Variants in WBP1L observed in about 807,000 individuals in gnomAD.
WBP1L encodes the protein WW domain binding protein 1-like.
A neutral mutation model predicts 33.7 loss-of-function variants in WBP1L; 17 were observed. The ratio of observed to expected loss-of-function variants is 0.50; its 90% CI spans 0.34 to 0.76. The LOEUF (loss-of-function observed/expected upper bound fraction) is 0.76, where lower values mean the gene tolerates loss of function less well. Ranked by LOEUF, WBP1L falls within the 30% of genes least tolerant of loss-of-function variation. The probability of loss-of-function intolerance (pLI) is 0.01; values close to 1 mark genes in which losing one functional copy is unlikely to be tolerated. For synonymous variants in WBP1L, 173 were observed against 190.8 expected (o/e 0.91, Z 0.77); for missense variants, 389 against 469.4 (o/e 0.83, Z 1.58).
intron 1 of WBP1L, among the ~76,000 whole-genome samples, chr10:102,753,214 A>G (rs145421686): frequency 5.3e-5 from 8 of 152,184 alleles, no homozygotes; most frequent in Non-Finnish European, 1.2e-4. Context: ...TCAAGTAGCT[A>G]GGACTACAGG....
chr10:102,810,990 A>ATC (rs138777840), intron 3 of WBP1L, among the ~76,000 whole-genome samples: 5,849 of 144,304 alleles, frequency 0.041, 223 homozygotes, highest in South Asian at 0.11. Flanking sequence ...TCATTCATCC[A>ATC]TCTCTCTCTC....
chr10:102,751,280 G>A (rs1208458221), intron 1 of WBP1L, among the ~76,000 whole-genome samples: 2 of 151,114 alleles, frequency 1.3e-5, no homozygotes, highest in Non-Finnish European at 2.9e-5. Flanking sequence ...GAGATTACAG[G>A]TGTGTGCCAC....
intron 1 of WBP1L, among the ~76,000 whole-genome samples, chr10:102,788,724 A>G (rs976497680): frequency 2.0e-5 from 3 of 152,206 alleles, no homozygotes; most frequent in Non-Finnish European, 2.9e-5. Flanking sequence ...TCCTTTCTAG[A>G]AAGCCATTCC....
intron 2 of WBP1L, among the ~76,000 whole-genome samples, chr10:102,802,715 C>T (rs1843675116): frequency 6.6e-6 from 1 of 151,994 alleles, no homozygotes; most frequent in Non-Finnish European, 1.5e-5. Flanking sequence ...AGGCTGGTCT[C>T]CAAATTCTGA....
chr10:102,783,921 G>A (rs1843372249), intron 1 of WBP1L, among the ~76,000 whole-genome samples: 1 of 152,286 alleles, frequency 6.6e-6, no homozygotes, highest in Middle Eastern at 3.4e-3. Flanking sequence ...TTAATAAAGG[G>A]GAAATAGGTA....
At chr10:102,787,157 C>G (rs967215954) in intron 1 of WBP1L, among the ~76,000 whole-genome samples, 4 of 152,218 alleles carry the variant, frequency 2.6e-5, no homozygotes, top group Non-Finnish European at 5.9e-5. Flanking sequence ...TGGTTAACTT[C>G]TTAGCAGTGG....
intron 1 of WBP1L, among the ~76,000 whole-genome samples, chr10:102,766,864 T>C (rs1843118946): frequency 6.6e-6 from 1 of 152,010 alleles, no homozygotes; most frequent in South Asian, 2.1e-4. Flanking sequence ...AAATTTCATC[T>C]GAGTGTGTTT....
intron 1 of WBP1L, chr10:102,776,199 A>T: frequency 6.8e-7 from 1 of 1,464,614 alleles, no homozygotes; most frequent in Admixed American, 2.3e-5. Flanking sequence ...AGGCAGGGGG[A>T]GTAGCGAGGA....
chr10:102,751,493 A>G (rs1247867143), intron 1 of WBP1L, among the ~76,000 whole-genome samples: 1 of 151,700 alleles, frequency 6.6e-6, no homozygotes, highest in African/African-American at 2.4e-5. Flanking sequence ...TTTTTTGTAG[A>G]GATGGAGTTT....
chr10:102,769,356 C>CTT lies in WBP1L; in HGVS notation c.90+25215_90+25216dup, dbSNP rs376863934. ...GCATCCCTTCTTTGTTTTCTTTTTT[C>CTT]TTTCTTTTTTTTTTTTTTACTGGAA... On this transcript the variant is annotated intron_variant, in intron 1 of 3. Coordinates refer to ENST00000448841, the MANE Select transcript of WBP1L (RefSeq NM_001083913.2). Among the ~76,000 whole-genome samples the CTT allele has an allele frequency of 8.0e-3, 1,079 of 134,660 alleles. 13 individuals carry two copies. The highest frequency in any genetic ancestry group is 0.026 in the African/African-American group (1,011 of 38,330). 88.3% of individuals were successfully genotyped at this position (134,660 alleles called of 152,430 possible).
chr10:102,783,183 C>T (rs1487865723), intron 1 of WBP1L, among the ~76,000 whole-genome samples: 2 of 152,174 alleles, frequency 1.3e-5, no homozygotes, highest in Non-Finnish European at 2.9e-5. Context: ...ATTCCTGCGT[C>T]TCTGTGTAAG....
chr10:102,754,494 G>A (rs1409682165), intron 1 of WBP1L, among the ~76,000 whole-genome samples: 2 of 152,128 alleles, frequency 1.3e-5, no homozygotes, highest in Middle Eastern at 3.2e-3. Context: ...CGCCTCCCAG[G>A]TTCAAGCGAT....
At chr10:102,805,271 C>T (rs1843714222) in intron 2 of WBP1L, among the ~76,000 whole-genome samples, 1 of 151,984 alleles carries the variant, frequency 6.6e-6, no homozygotes, top group African/African-American at 2.4e-5. Flanking sequence ...AGAGTAATAC[C>T]TGTCTCAAAA....
intron 1 of WBP1L, among the ~76,000 whole-genome samples, chr10:102,749,736 G>A (rs1337822820): frequency 6.6e-6 from 1 of 151,496 alleles, no homozygotes; most frequent in Admixed American, 6.6e-5. Context: ...TGCTGGGATT[G>A]CAGGCGTGAG....
intron 1 of WBP1L, among the ~76,000 whole-genome samples, chr10:102,768,371 GTTT>G (rs1192088947): frequency 1.6e-3 from 20 of 12,226 alleles, no homozygotes; most frequent in Admixed American, 8.0e-3. Context: ...TTAGTTTTTT[GTTT>G]TTTTTTTTTT....
intron 1 of WBP1L, among the ~76,000 whole-genome samples, chr10:102,768,813 A>G (rs1843147205): frequency 6.8e-6 from 1 of 147,096 alleles, no homozygotes; most frequent in Admixed American, 6.8e-5. Context: ...TCAGCCTCCC[A>G]AGTAGCTGGG....
rs1843868493 is a variant in WBP1L at position 102,812,980 on chromosome 10, C to T, written c.741C>T (p.Asp247=). The change falls in exon 4 of 4, where the codon GAC becomes GAT. Residue 247 remains aspartate, a synonymous_variant. Coordinates refer to ENST00000448841, the MANE Select transcript of WBP1L (RefSeq NM_001083913.2). ...GTAGGGAGGAGCTGCTGAAAGATGA[C>T]AGCTCTGAACACGGCGCACCCGACA... ...AECREELLKD[D]SSEHGAPDSK... is the part of the protein sequence containing the mutation. The T allele has an allele frequency of 6.2e-7, 1 of 1,611,644 alleles. No individual in the cohort carries two copies. Among genetic ancestry groups the T allele is most frequent in the Non-Finnish European group, 8.5e-7 (1 of 1,178,538 alleles).
intron 1 of WBP1L, among the ~76,000 whole-genome samples, chr10:102,750,660 C>A (rs932639551): frequency 1.2e-4 from 18 of 151,998 alleles, no homozygotes; most frequent in Non-Finnish European, 2.5e-4. Context: ...CACCACCACA[C>A]CTGGCTAATT....
rs1454559244 is a variant in WBP1L, at chr10:102,769,356, CTTTCTTT to C, written c.90+25217_90+25223del. On this transcript the variant is annotated intron_variant, in intron 1 of 3. Coordinates refer to ENST00000448841, the MANE Select transcript of WBP1L (RefSeq NM_001083913.2). Reference sequence around the variant, plus strand: ...GCATCCCTTCTTTGTTTTCTTTTTTCTTTCTTTTTTTTTTTTTTACTGGAAGCTGAGA... The same window carrying C: ...GCATCCCTTCTTTGTTTTCTTTTTTCTTTTTTTTTTTACTGGAAGCTGAGA... 1.1e-4 allele frequency among the ~76,000 whole-genome samples: 15 copies of C among 134,680 alleles called. No homozygotes were observed. In the South Asian group the frequency reaches 1.1e-3, roughly 10 times the overall value. The allele number at this position is 134,680 out of a possible 152,430, so 88.4% of individuals were successfully genotyped here. A position where few individuals can be genotyped will look rare whatever the true frequency, so the allele number is the denominator to read the frequency against.
Sources: gnomAD v4.1 joint callset for allele counts (sites outside exome capture counted in the v4.1 genomes callset) on GRCh38, gnomAD v4.1.1 for gene constraint, MANE v1.5 for transcripts, NCBI Gene and HGNC (gene_info 2026-07-23, HGNC 2026-07-21) for gene names.